CFAP61: variants seen among roughly 807,000 people sequenced by gnomAD.
CFAP61 encodes the protein cilia and flagella associated protein 61.
Under a neutral mutation model 135.6 loss-of-function variants are expected in CFAP61, and 107 were observed. The ratio of observed to expected loss-of-function variants is 0.79; its 90% CI spans 0.67 to 0.93. The LOEUF is 0.93. Ranked by LOEUF, CFAP61 falls within the 40% of genes least tolerant of loss-of-function variation. The pLI is 0.00. For synonymous variants in CFAP61, 575 were observed against 578.5 expected (o/e 0.99, Z 0.09); for missense variants, 1,507 against 1,556.2 (o/e 0.97, Z 0.53).
chr20:20,262,884 T>C (rs1246669822), intron 20 of CFAP61, 72 bp from the exon 21 acceptor site: 1 of 320,122 alleles, frequency 3.1e-6, no homozygotes, highest in Non-Finnish European at 4.8e-6. Context: ...CTATGTCTAC[T>C]TTTTTTTTTT....
intron 25 of CFAP61, among the ~76,000 whole-genome samples, chr20:20,327,675 C>A (rs1307597557): frequency 1.4e-5 from 2 of 146,784 alleles, no homozygotes; most frequent in Non-Finnish European, 3.0e-5. Context: ...TAATCAAGAT[C>A]TTCCCCAAGA....
chr20:20,100,442 G>A (rs1179789613), intron 8 of CFAP61, among the ~76,000 whole-genome samples: 1 of 152,084 alleles, frequency 6.6e-6, no homozygotes, highest in African/African-American at 2.4e-5. Flanking sequence ...CAAAGTGCTG[G>A]GATTACAGGT....
chr20:20,110,581 G>A (rs759034034), intron 8 of CFAP61, among the ~76,000 whole-genome samples: 6 of 152,202 alleles, frequency 3.9e-5, no homozygotes, highest in Admixed American at 1.3e-4. Context: ...GGTTTGAAGC[G>A]TTTCTAGACA....
At chr20:20,209,497 G>A (rs192327215) in intron 17 of CFAP61, among the ~76,000 whole-genome samples, 3 of 152,286 alleles carry the variant, frequency 2.0e-5, no homozygotes, top group East Asian at 3.9e-4. Flanking sequence ...AACATACAGA[G>A]TACAGAGATA....
intron 18 of CFAP61, among the ~76,000 whole-genome samples, chr20:20,244,535 C>A (rs2050283411): frequency 6.6e-6 from 1 of 152,190 alleles, no homozygotes; most frequent in Non-Finnish European, 1.5e-5. Flanking sequence ...ATGCAGGGCA[C>A]CAAGTCCCTA....
chr20:20,180,725 AT>A (rs2055003676), intron 13 of CFAP61, among the ~76,000 whole-genome samples: 1 of 152,194 alleles, frequency 6.6e-6, no homozygotes. Flanking sequence ...TTGCAGCACT[AT>A]TCACAATAGC....
At chr20:20,169,146 G>A (rs1304215895) in intron 12 of CFAP61, among the ~76,000 whole-genome samples, 175 bp from the exon 13 acceptor site, 1 of 152,088 alleles carries the variant, frequency 6.6e-6, no homozygotes, top group African/African-American at 2.4e-5. Context: ...TCTTGTAGTT[G>A]CTTATTTCCT....
chr20:20,335,319 G>A (rs747302715), intron 25 of CFAP61, among the ~76,000 whole-genome samples: 1 of 152,202 alleles, frequency 6.6e-6, no homozygotes, highest in Non-Finnish European at 1.5e-5. Flanking sequence ...AAAAGTAGAT[G>A]CTGTAGAGTC....
intron 9 of CFAP61, among the ~76,000 whole-genome samples, chr20:20,143,440 A>G (rs1422601778): frequency 3.3e-5 from 5 of 152,206 alleles, no homozygotes; most frequent in African/African-American, 9.7e-5. Context: ...ATTATGTGGC[A>G]TGGATTAGAT....
Position 20,163,257 on chromosome 20 carries a change from G to C in CFAP61, c.1027-793G>C, listed in dbSNP as rs1221166485. On this transcript the variant is annotated intron_variant, in intron 10 of 26. Coordinates refer to ENST00000245957, the MANE Select transcript of CFAP61 (RefSeq NM_015585.4). Reference sequence around the variant, plus strand: ...CAAAGGGAATCATCTTCTGAGTTATGACACCTTTTTAGGTGCACCTAAACC... The same window carrying C: ...CAAAGGGAATCATCTTCTGAGTTATCACACCTTTTTAGGTGCACCTAAACC... Among the ~76,000 whole-genome samples the C allele has an allele frequency of 2.6e-5, 4 of 152,254 alleles. No individual in the cohort carries two copies. In the East Asian group the frequency reaches 7.7e-4, roughly 29 times the overall value.
chr20:20,190,859 G>A (rs954787477), intron 14 of CFAP61, among the ~76,000 whole-genome samples: 3 of 152,020 alleles, frequency 2.0e-5, no homozygotes, highest in Non-Finnish European at 4.4e-5. Flanking sequence ...TGGCTCACGC[G>A]TGCAATCCTA....
chr20:20,350,310 G>A (rs906128524), intron 26 of CFAP61, among the ~76,000 whole-genome samples: 1 of 152,178 alleles, frequency 6.6e-6, no homozygotes, highest in Non-Finnish European at 1.5e-5. Flanking sequence ...ATATGACTCA[G>A]CAACTGCACT....
chr20:20,189,045 T>C (rs1198907020), intron 14 of CFAP61, among the ~76,000 whole-genome samples: 1 of 152,244 alleles, frequency 6.6e-6, no homozygotes, highest in Non-Finnish European at 1.5e-5. Context: ...TTTCATGGCA[T>C]GAATATACCA....
intron 25 of CFAP61, among the ~76,000 whole-genome samples, chr20:20,314,400 A>G (rs1341881928): frequency 6.8e-6 from 1 of 146,698 alleles, no homozygotes; most frequent in Non-Finnish European, 1.5e-5. Flanking sequence ...TCAAAAAAAA[A>G]AAAAAAAAAT....
chr20:20,326,981 T>C (rs1175172752), intron 25 of CFAP61, among the ~76,000 whole-genome samples: 1 of 152,146 alleles, frequency 6.6e-6, no homozygotes, highest in Non-Finnish European at 1.5e-5. Flanking sequence ...AGCTTGCACA[T>C]TTATATTTAA....
At chr20:20,288,548 C>A in intron 22 of CFAP61, 61 bp from the exon 23 acceptor site, 2 of 1,360,020 alleles carry the variant, frequency 1.5e-6, no homozygotes, top group South Asian at 1.3e-5. Context: ...ACTAGTCACA[C>A]TTTTGGGAAG....
chr20:20,100,848 T>C (rs937667760), intron 8 of CFAP61, among the ~76,000 whole-genome samples: 3 of 152,220 alleles, frequency 2.0e-5, no homozygotes, highest in Admixed American at 6.5e-5. Context: ...CACAGAGATA[T>C]GGGCACTAAA....
At position 20,234,754 on chromosome 20, in the gene CFAP61, C is replaced by T. The variant is rs571462641; in HGVS notation, c.2060+6378C>T. On this transcript the variant is annotated intron_variant, in intron 18 of 26. Transcript: ENST00000245957. ...GGGGGTAGGGCCAGGCTCTGCTTTC[C>T]CAGCCCTCCAGGGAAGGCGGCAGGT... is the stretch of plus-strand genomic sequence containing the variant. 3.3e-5 allele frequency among the ~76,000 whole-genome samples: 5 copies of T among 152,162 alleles called. No individual in the cohort carries two copies. The South Asian group carries it at 8.3e-4, about 25-fold the overall frequency.
At chr20:20,083,093 A>G (rs1161719276) in intron 6 of CFAP61, among the ~76,000 whole-genome samples, 2 of 152,248 alleles carry the variant, frequency 1.3e-5, no homozygotes, top group East Asian at 3.8e-4. Context: ...AACCAACCTA[A>G]GTGCCCATCG....
Sources: gnomAD v4.1 joint callset for allele counts (sites outside exome capture counted in the v4.1 genomes callset) on GRCh38, gnomAD v4.1.1 for gene constraint, MANE v1.5 for transcripts, NCBI Gene and HGNC (gene_info 2026-07-23, HGNC 2026-07-21) for gene names.